Variants in RHEX observed in about 807,000 individuals in gnomAD.
RHEX encodes regulator of hemoglobinization and erythroid cell expansion, also known as regulator of hemoglobinization and erythroid cell expansion protein.
A neutral mutation model predicts 20.1 loss-of-function variants in RHEX; 18 were observed. The observed-to-expected ratio is 0.90, with a 90% CI of 0.62 to 1.33. The LOEUF is 1.33. Among genes scored for constraint, RHEX ranks in the 40% most tolerant of loss-of-function variants. The probability of loss-of-function intolerance (pLI) is 0.00; values close to 1 mark genes in which losing one functional copy is unlikely to be tolerated. For synonymous variants in RHEX, 87 were observed against 77.1 expected (o/e 1.13, Z -0.67); for missense variants, 192 against 214.3 (o/e 0.90, Z 0.65).
At chr1:206,082,998 A>G (rs994777090) in intron 1 of RHEX, among the ~76,000 whole-genome samples, 4 of 152,206 alleles carry the variant, frequency 2.6e-5, no homozygotes, top group Non-Finnish European at 5.9e-5. Flanking sequence ...TGTAACAGCC[A>G]TTTTTGGTTG....
rs59711114 is a variant in RHEX, at chr1:206,054,126, CAA to C, written c.-97+874_-97+875del. 1.2e-3 allele frequency among the ~76,000 whole-genome samples: 164 copies of C among 142,226 alleles called. 1 individual carries two copies. The highest frequency in any genetic ancestry group is 3.8e-3 in the East Asian group (19 of 5,008). The allele number at this position is 142,226 out of a possible 152,430, so 93.3% of individuals were successfully genotyped here. On this transcript the variant is annotated intron_variant, in intron 1 of 5. Transcript: ENST00000331555. ...AAAAAAAAAAAGGAATGGTTATCTT[CAA>C]AAAAAAAAAAAAGTGGGGGGAGACA...
rs201932090 is a variant in RHEX at position 206,099,912 on chromosome 1, T to C, written c.256+114T>C. 62 of 934,202 alleles carry C rather than the reference T, an allele frequency of 6.6e-5. No individual in the cohort carries two copies. The East Asian group carries it at 1.5e-3, about 22-fold the overall frequency. The allele number at this position is 934,202 out of a possible 1,614,324, so 57.9% of individuals were successfully genotyped here. ...CCCAAACCTCTAGCCTGAGGATTCC[T>C]CACAGCCACATCAGGACAGCCTTGC... On this transcript the variant is annotated intron_variant, in intron 4 of 5. Transcript: ENST00000331555.
intron 1 of RHEX, chr1:206,056,497 T>C (rs1256690415): frequency 6.6e-6 from 1 of 152,272 alleles, no homozygotes; most frequent in Non-Finnish European, 1.5e-5. Context: ...CCTATTATTT[T>C]ATGGTTATTA....
At chr1:206,084,086 T>G (rs1553286207) in intron 1 of RHEX, among the ~76,000 whole-genome samples, 1 of 152,186 alleles carries the variant, frequency 6.6e-6, no homozygotes. Context: ...AAGTTTCCTT[T>G]TTAAGTCAAA....
At chr1:206,066,093 G>A (rs767375475) in intron 1 of RHEX, among the ~76,000 whole-genome samples, 1 of 152,200 alleles carries the variant, frequency 6.6e-6, no homozygotes, top group Non-Finnish European at 1.5e-5. Flanking sequence ...CTGAGTTTGG[G>A]AATCAGTGAC....
At chr1:206,099,158 G>T (rs1323344741) in intron 3 of RHEX, among the ~76,000 whole-genome samples, 2 of 152,154 alleles carry the variant, frequency 1.3e-5, no homozygotes, top group Non-Finnish European at 2.9e-5. Flanking sequence ...GGCCTCGGAG[G>T]CTGGGACTTG....
chr1:206,098,285 A>T (rs1663118199), intron 3 of RHEX, 104 bp downstream of exon 3: 4 of 826,306 alleles, frequency 4.8e-6, no homozygotes, highest in Non-Finnish European at 6.0e-6. Flanking sequence ...TCACTCAAAA[A>T]CCTACCAGAG....
At chr1:206,098,050 T>G in intron 2 of RHEX, 31 bp from the exon 3 acceptor site, 1 of 1,543,154 alleles carries the variant, frequency 6.5e-7, no homozygotes, top group Middle Eastern at 1.7e-4. Context: ...CCTTGCAATC[T>G]CTGACTTTGC....
At chr1:206,090,380 A>G (rs1319980146) in intron 1 of RHEX, among the ~76,000 whole-genome samples, 1 of 151,318 alleles carries the variant, frequency 6.6e-6, no homozygotes, top group Admixed American at 6.6e-5. Context: ...TAATTTTTGT[A>G]TTGTTTTAAT....
chr1:206,063,368 G>GCCTCTC (rs368021574), intron 1 of RHEX, among the ~76,000 whole-genome samples: 20,651 of 151,366 alleles, frequency 0.14, 1,597 homozygotes, highest in African/African-American at 0.21. Context: ...AGATTTTTCT[G>GCCTCTC]CCTCTCCCTC....
chr1:206,097,955 C>A, intron 2 of RHEX, 116 bp downstream of exon 2: 3 of 1,167,488 alleles, frequency 2.6e-6, no homozygotes, highest in South Asian at 1.2e-5. Context: ...TCCAGAGAGG[C>A]AAAGGGACCT....
At chr1:206,072,327 G>C (rs554863928) in intron 1 of RHEX, among the ~76,000 whole-genome samples, 175 of 152,296 alleles carry the variant, frequency 1.1e-3, no homozygotes, top group African/African-American at 3.9e-3. Flanking sequence ...TATAATCCCA[G>C]CACTTTGGGA....
Position 206,090,202 on chromosome 1 carries a change from CTTTTTTTTTTTTTT to C in RHEX, c.-96-7522_-96-7509del, listed in dbSNP as rs59499927. Among the ~76,000 whole-genome samples the C allele has an allele frequency of 6.2e-5, 7 of 112,554 alleles. No individual in the cohort carries two copies. The South Asian group carries it at 2.1e-3, about 34-fold the overall frequency. The allele number at this position is 112,554 out of a possible 152,430, so 73.8% of individuals were successfully genotyped here. On this transcript the variant is annotated intron_variant, in intron 1 of 5. Transcript: ENST00000331555. ...TACCACAATTCCTTTTCTTTTCTTT[CTTTTTTTTTTTTTT>C]TTTTTTTTGAGACAGAGTCTCACTC... is the stretch of plus-strand genomic sequence containing the variant.
chr1:206,100,969 T>C (rs1553288303), intron 4 of RHEX, among the ~76,000 whole-genome samples, 167 bp from the exon 5 acceptor site: 1 of 152,186 alleles, frequency 6.6e-6, no homozygotes, highest in Non-Finnish European at 1.5e-5. Context: ...TTCTCCTTCT[T>C]CCTCTTTTGG....
At chr1:206,063,304 A>G (rs1662342389) in intron 1 of RHEX, among the ~76,000 whole-genome samples, 1 of 152,136 alleles carries the variant, frequency 6.6e-6, no homozygotes, top group Admixed American at 6.5e-5. Context: ...GTTCTTCACT[A>G]TTAGGAGGGG....
Position 206,101,298 on chromosome 1 carries a change from C to T in RHEX, c.318+101C>T, listed in dbSNP as rs58488597. 15,135 of 933,894 alleles carry T rather than the reference C, an allele frequency of 0.016. 1,375 individuals are homozygous for T. The African/African-American group carries it at 0.21, about 13-fold the overall frequency. 57.9% of individuals were successfully genotyped at this position (933,894 alleles called of 1,614,324 possible). On this transcript the variant is annotated intron_variant, in intron 5 of 5. Coordinates refer to ENST00000331555, the MANE Select transcript of RHEX (RefSeq NM_001007544.4). ...AGTTACCCCAGCTATGTAGTGGGAG[C>T]AAGAAAAGAGGGTTTCTTGAGTCAT...
intron 1 of RHEX, among the ~76,000 whole-genome samples, chr1:206,089,691 A>G (rs1553286774): frequency 6.6e-6 from 1 of 150,896 alleles, no homozygotes; most frequent in East Asian, 1.9e-4. Context: ...TAAACCAAAG[A>G]TGCAAAATCT....
rs186535844 is a variant in RHEX, at chr1:206,093,621, A to G, written c.-96-4112A>G. Among the ~76,000 whole-genome samples the G allele has an allele frequency of 2.0e-5, 3 of 151,962 alleles. No individual in the cohort carries two copies. The East Asian group carries it at 5.8e-4, about 29-fold the overall frequency. ...ATCTTCTATTGTGATCTTGTTTTAA[A>G]CCGTTCTTTCTAGAATAAACCTATC... On this transcript the variant is annotated intron_variant, in intron 1 of 5. Transcript: ENST00000331555.
rs185198570 is a variant in RHEX, at chr1:206,069,885, A to G, written c.-97+16620A>G. 5.2e-3 allele frequency among the ~76,000 whole-genome samples: 786 copies of G among 152,252 alleles called. 7 individuals are homozygous for G. Among genetic ancestry groups the G allele is most frequent in the African/African-American group, 0.018 (755 of 41,536 alleles). On this transcript the variant is annotated intron_variant, in intron 1 of 5. Coordinates refer to ENST00000331555, the MANE Select transcript of RHEX (RefSeq NM_001007544.4). ...ATTAACCCAGTATTCGGGTATTTTC[A>G]ATTTCCTTGGGAGCTTAGAGGACGG...
Sources: gnomAD v4.1 joint callset for allele counts (sites outside exome capture counted in the v4.1 genomes callset) on GRCh38, gnomAD v4.1.1 for gene constraint, MANE v1.5 for transcripts, NCBI Gene and HGNC (gene_info 2026-07-23, HGNC 2026-07-21) for gene names.